The following RAD50 variants were observed in gnomAD, a reference collection of about 807,000 sequenced individuals.
The protein encoded by RAD50 is RAD50 double strand break repair protein.
Under a neutral mutation model 168.8 loss-of-function variants are expected in RAD50, and 132 were observed. The ratio of observed to expected loss-of-function variants is 0.78; its 90% confidence interval spans 0.68 to 0.90. The LOEUF (loss-of-function observed/expected upper bound fraction) is 0.90, where lower values mean the gene tolerates loss of function less well. Ranked by LOEUF, RAD50 falls within the 40% of genes least tolerant of loss-of-function variation. The pLI, the probability that RAD50 is intolerant of heterozygous loss-of-function variation, is 0.00. For missense variants in RAD50, 1,347 were observed against 1,534.4 expected (o/e 0.88, Z 2.04); for synonymous variants, 525 against 497.4 (o/e 1.06, Z -0.74).
At position 132,638,164 on chromosome 5, in the gene RAD50, G is replaced by A. The variant is rs771855501; in HGVS notation, c.3559G>A (p.Val1187Met). Reference sequence around the variant, plus strand: ...AAGGCGGAATTATAACTACCGAGTGGTGATGCTGAAGGGAGACACAGCCTT... The same window carrying A: ...AAGGCGGAATTATAACTACCGAGTGATGATGCTGAAGGGAGACACAGCCTT... Reference protein sequence around the residue: ...DKRRNYNYRVVMLKGDTALDM... With the variant: ...DKRRNYNYRVMMLKGDTALDM... The change falls in exon 23 of 25, where the codon GTG becomes ATG. Residue 1187 changes from valine to methionine, a missense_variant. Val to Met is a conservative substitution (Grantham distance 21). This residue lies in a region of RAD50 where 635 missense variants were observed against 739.2 expected (regional missense o/e 0.86). Coordinates refer to ENST00000378823, the MANE Select transcript of RAD50 (RefSeq NM_005732.4). 6.2e-7 allele frequency: 1 copy of A among 1,614,206 alleles called. No homozygotes were observed. The highest frequency in any genetic ancestry group is 1.1e-5 in the South Asian group (1 of 91,080).
chr5:132,627,424 G>A (rs895280818), intron 21 of RAD50, among the ~76,000 whole-genome samples: 4 of 152,166 alleles, frequency 2.6e-5, no homozygotes, highest in African/African-American at 9.7e-5. Context: ...AACAAAATGG[G>A]TAGTAGTGGT....
chr5:132,603,830 A>T (rs1375435022), intron 14 of RAD50, 90 bp from the exon 15 acceptor site: 1 of 1,232,120 alleles, frequency 8.1e-7, no homozygotes, highest in Non-Finnish European at 1.1e-6. Context: ...GTTTAGATTT[A>T]AAAAATAAAT....
At chr5:132,566,019 T>C (rs1481200705) in intron 2 of RAD50, among the ~76,000 whole-genome samples, 2 of 152,240 alleles carry the variant, frequency 1.3e-5, no homozygotes, top group African/African-American at 2.4e-5. Flanking sequence ...CCCCACCTAA[T>C]GGTTTTACAA....
chr5:132,601,447 C>T (rs1750885334), intron 13 of RAD50, among the ~76,000 whole-genome samples: 1 of 152,148 alleles, frequency 6.6e-6, no homozygotes, highest in East Asian at 1.9e-4. Context: ...CAGAGATGTC[C>T]CCAGTTTAAT....
intron 21 of RAD50, among the ~76,000 whole-genome samples, chr5:132,626,089 C>T (rs928591139): frequency 2.3e-4 from 35 of 152,106 alleles, no homozygotes; most frequent in Admixed American, 8.5e-4. Flanking sequence ...ATATTGATCT[C>T]GAACTCCTGA....
At chr5:132,625,297 G>A (rs927038473) in intron 21 of RAD50, among the ~76,000 whole-genome samples, 30 of 151,716 alleles carry the variant, frequency 2.0e-4, no homozygotes, top group African/African-American at 6.5e-4. Flanking sequence ...CGTTTTAGCC[G>A]GGATGGTCTC....
Position 132,603,498 on chromosome 5 carries a change from A to G in RAD50, c.2397+9A>G. 1 of 1,612,320 alleles carries G rather than the reference A, an allele frequency of 6.2e-7. No individual in the cohort carries two copies. The highest frequency in any genetic ancestry group is 2.2e-5 in the East Asian group (1 of 44,800). ...TTATGGAGAGGTTCCAGGTAAGTTT[A>G]TTGTAGTTTAAGGCAGAATAAAACT... On this transcript the variant is annotated intron_variant, in intron 14 of 24. Transcript: ENST00000378823.
chr5:132,582,323 C>A (rs1257829117), intron 5 of RAD50, among the ~76,000 whole-genome samples: 1 of 152,198 alleles, frequency 6.6e-6, no homozygotes, highest in East Asian at 1.9e-4. Flanking sequence ...ATATTCTTCT[C>A]TGTATCCTCA....
At chr5:132,574,521 C>G (rs770091003) in intron 2 of RAD50, among the ~76,000 whole-genome samples, 2 of 152,222 alleles carry the variant, frequency 1.3e-5, no homozygotes, top group Non-Finnish European at 2.9e-5. Flanking sequence ...TGACATGCCC[C>G]TGGAGACATT....
chr5:132,623,254 G>A (rs1343021590), intron 21 of RAD50, among the ~76,000 whole-genome samples: 7 of 152,194 alleles, frequency 4.6e-5, no homozygotes, highest in Admixed American at 3.3e-4. Context: ...CGAGGTGGGC[G>A]GATCACTTGA....
intron 11 of RAD50, among the ~76,000 whole-genome samples, chr5:132,593,901 T>C (rs1003434127): frequency 6.6e-6 from 1 of 152,020 alleles, no homozygotes. Flanking sequence ...GGAACCAGGG[T>C]GAGAGCCAGA....
chr5:132,600,304 G>A (rs1238868564), intron 13 of RAD50, among the ~76,000 whole-genome samples: 1 of 152,200 alleles, frequency 6.6e-6, no homozygotes, highest in Non-Finnish European at 1.5e-5. Flanking sequence ...TAGCTGAAGG[G>A]TGGTAGGAGG....
At chr5:132,564,065 G>A (rs754682807) in intron 2 of RAD50, among the ~76,000 whole-genome samples, 13 of 152,138 alleles carry the variant, frequency 8.5e-5, no homozygotes, top group Non-Finnish European at 1.6e-4. Flanking sequence ...CCAGTTTCAG[G>A]TATTTCTTTG....
chr5:132,587,960 T>A lies in RAD50; in HGVS notation c.922T>A (p.Tyr308Asn). 1 of 1,613,234 alleles carries A rather than the reference T, an allele frequency of 6.2e-7. No homozygotes were observed. The highest frequency in any genetic ancestry group is 8.5e-7 in the Non-Finnish European group (1 of 1,179,400). Reference protein sequence around the residue: ...QGTDEQLNDLYHNHQRTVREK... With the variant: ...QGTDEQLNDLNHNHQRTVREK... ...GACTGATGAGCAACTAAATGACTTA[T>A]ATCACAATCACCAGAGAACAGTAAG... The change falls in exon 7 of 25, where the codon TAT becomes AAT. Residue 308 changes from tyrosine to asparagine, a missense_variant. Coordinates refer to ENST00000378823, the MANE Select transcript of RAD50 (RefSeq NM_005732.4).
chr5:132,563,598 C>T (rs1561630008), intron 2 of RAD50, among the ~76,000 whole-genome samples: 1 of 152,118 alleles, frequency 6.6e-6, no homozygotes, highest in African/African-American at 2.4e-5. Context: ...AAAGAGAGAC[C>T]AGCCATCATG....
chr5:132,606,362 A>G (rs1384077669), intron 16 of RAD50, among the ~76,000 whole-genome samples: 1 of 152,216 alleles, frequency 6.6e-6, no homozygotes, highest in Non-Finnish European at 1.5e-5. Context: ...CAAATAAACT[A>G]GAAAATAATA....
At chr5:132,616,714 C>T (rs1751184491) in intron 20 of RAD50, among the ~76,000 whole-genome samples, 1 of 152,110 alleles carries the variant, frequency 6.6e-6, no homozygotes, top group South Asian at 2.1e-4. Context: ...CTGTAAGAAC[C>T]TTGTTGATGC....
At chr5:132,622,066 G>T (rs912785035) in intron 21 of RAD50, among the ~76,000 whole-genome samples, 4 of 151,792 alleles carry the variant, frequency 2.6e-5, no homozygotes, top group African/African-American at 7.3e-5. Context: ...AAATTATTTA[G>T]CTGCTACTTA....
chr5:132,595,512 T>C, intron 12 of RAD50, 61 bp from the exon 13 acceptor site: 1 of 1,096,412 alleles, frequency 9.1e-7, no homozygotes, highest in South Asian at 1.3e-5. Flanking sequence ...ACAACCGTAT[T>C]CAGAATACTG....
Sources: gnomAD v4.1 joint callset for allele counts (sites outside exome capture counted in the v4.1 genomes callset) on GRCh38, gnomAD v4.1.1 for gene constraint, gnomAD v4.1.1 regional missense constraint, MANE v1.5 for transcripts, NCBI Gene and HGNC (gene_info 2026-07-23, HGNC 2026-07-21) for gene names.